The following REV1 variants were observed in gnomAD, a reference collection of about 807,000 sequenced individuals.
REV1 encodes the protein translesion synthesis protein REV1.
REV1 carries 42 observed loss-of-function variants against 137.4 expected under a neutral mutation model. The ratio of observed to expected loss-of-function variants is 0.31; its 90% confidence interval spans 0.24 to 0.40. The LOEUF is 0.40. REV1 is among the 10% of genes least tolerant of loss of function. REV1 has a pLI of 1.00. For missense variants in REV1, 1,282 were observed against 1,490.1 expected, an observed-to-expected ratio of 0.86 and a Z score of 2.30; for synonymous variants, 524 against 519.2, an observed-to-expected ratio of 1.01 and a Z score of -0.12.
intron 6 of REV1, among the ~76,000 whole-genome samples, chr2:99,438,196 A>AAATT (rs28382885): frequency 0.59 from 89,777 of 151,552 alleles, 27,050 homozygotes; most frequent in African/African-American, 0.66. Flanking sequence ...CTCTATGTCA[A>AAATT]AATTAAAAAA....
At chr2:99,449,262 C>G in intron 4 of REV1, 74 bp downstream of exon 4, 2 of 963,614 alleles carry the variant, frequency 2.1e-6, no homozygotes, top group Non-Finnish European at 2.8e-6. Flanking sequence ...GAGACCCTAT[C>G]TCAAAAAAAT....
intron 22 of REV1, among the ~76,000 whole-genome samples, chr2:99,401,993 CGAAGT>C (rs1675523422): frequency 6.6e-6 from 1 of 152,164 alleles, no homozygotes; most frequent in African/African-American, 2.4e-5. Flanking sequence ...CCCAGCCTCC[CGAAGT>C]GAAGTACAGG....
intron 3 of REV1, among the ~76,000 whole-genome samples, chr2:99,460,647 C>T (rs550752266): frequency 1.3e-5 from 2 of 151,716 alleles, no homozygotes; most frequent in East Asian, 3.9e-4. Flanking sequence ...AAAGTATTCA[C>T]TAAAACTTAA....
intron 15 of REV1, 101 bp from the exon 16 acceptor site, chr2:99,406,591 A>T (rs1181291039): frequency 4.4e-6 from 4 of 903,152 alleles, no homozygotes; most frequent in African/African-American, 1.7e-5. Flanking sequence ...TATCTCCTGG[A>T]TCCTGTTTCT....
intron 9 of REV1, among the ~76,000 whole-genome samples, chr2:99,427,075 G>A (rs1042555665): frequency 4.6e-5 from 7 of 152,052 alleles, no homozygotes; most frequent in African/African-American, 1.4e-4. Context: ...CCAGCTACTC[G>A]GGAGGCTGAG....
At chr2:99,416,116 A>G (rs1677823929) in intron 12 of REV1, among the ~76,000 whole-genome samples, 1 of 152,258 alleles carries the variant, frequency 6.6e-6, no homozygotes, top group Admixed American at 6.5e-5. Context: ...CAAGGGACTA[A>G]AGAGGTTGGA....
rs1338454447 is a variant in REV1 at position 99,401,245 on chromosome 2, G to C, written c.3752C>G (p.Thr1251Arg). ...CATCAGGCTCTCTGGTAATATTTAT[G>C]TAACTTTTAATGTGCTTCCATAAGT... is the stretch of plus-strand genomic sequence containing the variant. ...QQTYGSTLKV[T>R] The change falls in exon 23 of 23, where the codon ACA becomes AGA. Residue 1251 changes from threonine to arginine, a missense_variant. Transcript: ENST00000258428. 16 of 1,596,116 alleles carry C rather than the reference G, an allele frequency of 1.0e-5. No homozygotes were observed. Among genetic ancestry groups the C allele is most frequent in the Non-Finnish European group, 1.4e-5 (16 of 1,163,968 alleles).
rs553247448 is a variant in REV1 at position 99,401,340 on chromosome 2, T to C, written c.3657A>G (p.Gln1219=). 1.0e-4 allele frequency: 162 copies of C among 1,612,606 alleles called. No homozygotes were observed. The highest frequency in any genetic ancestry group is 5.2e-4 in the African/African-American group (39 of 74,970). Reference sequence around the variant, plus strand: ...CCATATTCCAAACCGATTCCACCGATTGCTGCATCAGCCTAAAGGTGGGGA... The same window carrying C: ...CCATATTCCAAACCGATTCCACCGACTGCTGCATCAGCCTAAAGGTGGGGA... ...VIKYMKRLMQ[Q]SVESVWNMAF... The change falls in exon 23 of 23, where the codon CAA becomes CAG. Residue 1219 remains glutamine (Q), a synonymous_variant. Transcript: ENST00000258428.
At chr2:99,402,047 T>C (rs527503674) in intron 22 of REV1, among the ~76,000 whole-genome samples, 197 bp downstream of exon 22, 2 of 152,316 alleles carry the variant, frequency 1.3e-5, no homozygotes, top group Admixed American at 6.5e-5. Context: ...TATGGTTTTT[T>C]AATCACATGT....
At chr2:99,448,784 C>T (rs941903240) in intron 4 of REV1, among the ~76,000 whole-genome samples, 1 of 152,198 alleles carries the variant, frequency 6.6e-6, no homozygotes. Context: ...TTGAATAACA[C>T]GCTTGCTCCA....
chr2:99,435,126 A>G (rs1680577019), intron 7 of REV1, among the ~76,000 whole-genome samples: 1 of 152,224 alleles, frequency 6.6e-6, no homozygotes. Context: ...ATTATTTAAC[A>G]TTCTAAAAAC....
intron 4 of REV1, among the ~76,000 whole-genome samples, chr2:99,443,383 A>G (rs1404811450): frequency 6.6e-6 from 1 of 152,194 alleles, no homozygotes; most frequent in Non-Finnish European, 1.5e-5. Flanking sequence ...TGTCTCATAA[A>G]TCCAAGACTT....
In REV1 at chr2:99,401,148, A is replaced by C. The variant is rs967549981; in HGVS notation, c.*93T>G. ...TGCTTTAAAAGAAATTTAAAATTAT[A>C]AAAACTCCGAGCATTACTATCATGC... On this transcript the variant is annotated 3_prime_UTR_variant, in exon 23 of 23. Transcript: ENST00000258428. 4.5e-6 allele frequency: 3 copies of C among 671,718 alleles called. No individual in the cohort carries two copies. The highest frequency in any genetic ancestry group is 7.3e-6 in the Non-Finnish European group (3 of 408,174). 41.6% of individuals were successfully genotyped at this position (671,718 alleles called of 1,614,324 possible).
At chr2:99,451,490 A>C in intron 3 of REV1, 1 of 1,303,934 alleles carries the variant, frequency 7.7e-7, no homozygotes, top group Non-Finnish European at 1.0e-6. Flanking sequence ...GAAGTGAAGC[A>C]TGAAAACCAA....
At chr2:99,415,546 GA>G (rs1677739871) in intron 12 of REV1, among the ~76,000 whole-genome samples, 1 of 152,258 alleles carries the variant, frequency 6.6e-6, no homozygotes, top group African/African-American at 2.4e-5. Flanking sequence ...TGCAGTGATG[GA>G]AATGTTCTCG....
At position 99,407,080 on chromosome 2, in the gene REV1, CTTTTTTTT is replaced by C. The variant is rs869170472; in HGVS notation, c.2449-598_2449-591del. ...ACATAAAACTAAACCTACAAAGGTT[CTTTTTTTT>C]TTTTTTTTTTTTTTTTTTTGAGACA... On this transcript the variant is annotated intron_variant, in intron 15 of 22. Coordinates refer to ENST00000258428, the MANE Select transcript of REV1 (RefSeq NM_016316.4). Among the ~76,000 whole-genome samples, 17 of 60,044 alleles carry C rather than the reference CTTTTTTTT, an allele frequency of 2.8e-4. 1 individual carries two copies. The highest frequency in any genetic ancestry group is 7.7e-4 in the South Asian group (1 of 1,294). The allele number at this position is 60,044 out of a possible 152,430, so 39.4% of individuals were successfully genotyped here. A position where few individuals can be genotyped will look rare whatever the true frequency, so the allele number is the denominator to read the frequency against.
At chr2:99,403,290 T>C (rs1675762093) in intron 19 of REV1, 184 bp from the exon 20 acceptor site, 2 of 604,542 alleles carry the variant, frequency 3.3e-6, no homozygotes. Flanking sequence ...ATTCTCTCTT[T>C]GCTTTGCCAC....
chr2:99,466,578 A>AT (rs1684820746), intron 1 of REV1, among the ~76,000 whole-genome samples: 1 of 152,164 alleles, frequency 6.6e-6, no homozygotes, highest in African/African-American at 2.4e-5. Context: ...TATTCTTAGT[A>AT]TACTGCAGGA....
chr2:99,436,443 A>G lies in REV1; in HGVS notation c.1214-502T>C, dbSNP rs186990518. ...ACTAAAAGTTTAAGTCACATAGCCTATTATTAAATGGTTGAGCTGTGATTC... is the reference window on the plus strand; with the variant it reads ...ACTAAAAGTTTAAGTCACATAGCCTGTTATTAAATGGTTGAGCTGTGATTC... On this transcript the variant is annotated intron_variant, in intron 6 of 22. Coordinates refer to ENST00000258428, the MANE Select transcript of REV1 (RefSeq NM_016316.4). 1.5e-3 allele frequency among the ~76,000 whole-genome samples: 226 copies of G among 152,302 alleles called. 3 individuals are homozygous for G. Among genetic ancestry groups the G allele is most frequent in the African/African-American group, 5.3e-3 (222 of 41,566 alleles).
Sources: allele counts gnomAD v4.1 joint callset (sites outside exome capture counted in the v4.1 genomes callset), GRCh38; gene constraint gnomAD v4.1.1; transcripts MANE v1.5; gene names NCBI Gene and HGNC (gene_info 2026-07-23, HGNC 2026-07-21).